Variants in EDC3 observed in about 807,000 individuals in gnomAD.
The protein encoded by EDC3 is enhancer of mRNA-decapping protein 3.
In EDC3, 20 loss-of-function variants were observed where a neutral mutation model predicts 41.8. The ratio of observed to expected loss-of-function variants is 0.48; its 90% CI spans 0.34 to 0.70. The LOEUF is 0.70. Ranked by LOEUF, EDC3 falls within the 30% of genes least tolerant of loss-of-function variation. The probability of loss-of-function intolerance (pLI) is 0.01; values close to 1 mark genes in which losing one functional copy is unlikely to be tolerated. For synonymous variants in EDC3, 206 were observed against 243.2 expected (o/e 0.85, Z 1.42); for missense variants, 444 against 636.8 (o/e 0.70, Z 3.26).
rs755521800 is a variant in EDC3 at position 74,655,753 on chromosome 15, A to G, written c.800T>C (p.Val267Ala). The G allele has an allele frequency of 6.2e-6, 10 of 1,610,244 alleles. No individual in the cohort carries two copies. The highest frequency in any genetic ancestry group is 7.6e-6 in the Non-Finnish European group (9 of 1,176,834). ...VYRRIIVPHN[V>A]SKEFCTDSGL... ...CTCACCCGTGCAGAACTCCTTGCTC[A>G]CGTTGTGGGGCACTATGATCCGTCG... The change falls in exon 4 of 7, where the codon GTG (valine) becomes GCG (alanine). Residue 267 changes from valine (V) to alanine (A), a missense_variant. By Grantham distance (64) the Val-to-Ala change is moderately conservative. Coordinates refer to ENST00000315127, the MANE Select transcript of EDC3 (RefSeq NM_025083.5).
rs774705708 is a variant in EDC3 at position 74,635,394 on chromosome 15, T to TGC, written c.1192+13_1192+14dup. 6.2e-7 allele frequency: 1 copy of TGC among 1,613,514 alleles called. No individual in the cohort carries two copies. Among genetic ancestry groups the TGC allele is most frequent in the East Asian group, 2.2e-5 (1 of 44,878 alleles). On this transcript the variant is annotated intron_variant, in intron 6 of 6. Transcript: ENST00000315127. ...AGGGAGGAGGCCTTCAGCCCAGCCC[T>TGC]GCCTAAGTGCTCACCTTTGAGGCTA...
rs910731742 is a variant in EDC3, at chr15:74,631,431, G to A, written c.*1181C>T. 2 of 152,226 alleles carry A rather than the reference G, an allele frequency of 1.3e-5. No homozygotes were observed. Among genetic ancestry groups the A allele is most frequent in the Non-Finnish European group, 2.9e-5 (2 of 68,048 alleles). 9.4% of individuals were successfully genotyped at this position (152,226 alleles called of 1,614,324 possible). On this transcript the variant is annotated 3_prime_UTR_variant, in exon 7 of 7. Coordinates refer to ENST00000315127, the MANE Select transcript of EDC3 (RefSeq NM_025083.5). ...GGCACCTTAGGATTTGAGCATCAGT[G>A]TGTTCCTATGGTTGGAACCCACACC...
At position 74,632,389 on chromosome 15, in the gene EDC3, T is replaced by C; in HGVS notation, c.*223A>G. The stretch of plus-strand genomic sequence containing the variant: ...GGGCTGAGGGTAGAGATGCCTGGAG[T>C]TGCTGCACGCTCAGCCTGCCACCCA... On this transcript the variant is annotated 3_prime_UTR_variant, in exon 7 of 7. Coordinates refer to ENST00000315127, the MANE Select transcript of EDC3 (RefSeq NM_025083.5). This position sits in a 1 kb window ranked among gnomAD's most constrained non-coding sequence, Gnocchi z 4.0. The C allele has an allele frequency of 1.7e-6, 1 of 588,222 alleles. No individual in the cohort carries two copies. Among genetic ancestry groups the C allele is most frequent in the Non-Finnish European group, 3.0e-6 (1 of 334,062 alleles). 36.4% of individuals were successfully genotyped at this position (588,222 alleles called of 1,614,324 possible). A position where few individuals can be genotyped will look rare whatever the true frequency, so the allele number is the denominator to read the frequency against.
intron 3 of EDC3, among the ~76,000 whole-genome samples, chr15:74,667,558 G>A (rs1276548469): frequency 2.0e-5 from 3 of 148,532 alleles, no homozygotes; most frequent in African/African-American, 7.4e-5. Context: ...CTTTCAGTGT[G>A]AGAAAGTACC....
At chr15:74,659,355 G>A (rs2062593340) in intron 3 of EDC3, among the ~76,000 whole-genome samples, 2 of 151,942 alleles carry the variant, frequency 1.3e-5, no homozygotes. Context: ...CCAGCTACAC[G>A]GGAGGCTGGG....
intron 3 of EDC3, among the ~76,000 whole-genome samples, chr15:74,669,478 C>CT (rs1438168238): frequency 6.6e-6 from 1 of 151,226 alleles, no homozygotes; most frequent in African/African-American, 2.4e-5. Flanking sequence ...CACCACTGCA[C>CT]TCCAGCCCGG....
In EDC3 at chr15:74,688,300, C is replaced by G. The variant is rs559030885; in HGVS notation, c.-19+7580G>C. ...CACGTCAAAAGAAGTACAGGAGATA[C>G]AGGAGCTACAAGGAACCAATCTTGT... On this transcript the variant is annotated intron_variant, in intron 1 of 6. Transcript: ENST00000315127. 4.9e-4 allele frequency among the ~76,000 whole-genome samples: 75 copies of G among 152,326 alleles called. 1 individual carries two copies. Among genetic ancestry groups the G allele is most frequent in the African/African-American group, 1.7e-3 (71 of 41,592 alleles).
chr15:74,671,380 A>T lies in EDC3; in HGVS notation c.484+75T>A. The T allele has an allele frequency of 6.9e-7, 1 of 1,455,344 alleles. No individual in the cohort carries two copies. The highest frequency in any genetic ancestry group is 9.3e-7 in the Non-Finnish European group (1 of 1,070,708). 90.2% of individuals were successfully genotyped at this position (1,455,344 alleles called of 1,614,324 possible). On this transcript the variant is annotated intron_variant, in intron 3 of 6. Coordinates refer to ENST00000315127, the MANE Select transcript of EDC3 (RefSeq NM_025083.5). The surrounding 1 kb of genome is among the most constrained non-coding windows in gnomAD (Gnocchi z 4.6). ...TATTGGAATAACAAAGGATTTGTTT[A>T]AAGAGCAGCAGTGCTTATGGCTTAT...
At chr15:74,681,359 G>A (rs1370213955) in intron 1 of EDC3, among the ~76,000 whole-genome samples, 2 of 151,576 alleles carry the variant, frequency 1.3e-5, no homozygotes, top group East Asian at 1.9e-4. Flanking sequence ...CACCATCTTC[G>A]CCAGGCTGGT....
chr15:74,669,225 C>T (rs1030886608), intron 3 of EDC3, among the ~76,000 whole-genome samples: 2 of 152,076 alleles, frequency 1.3e-5, no homozygotes, highest in Non-Finnish European at 2.9e-5. Context: ...TGCCTGTAAT[C>T]CCAGCTACTC....
intron 4 of EDC3, among the ~76,000 whole-genome samples, chr15:74,653,469 T>G (rs924724680): frequency 2.0e-5 from 3 of 152,160 alleles, no homozygotes; most frequent in African/African-American, 7.2e-5. Flanking sequence ...AAGAAGTTGC[T>G]CAGTAAGATA....
chr15:74,643,725 G>T (rs1489754097), intron 4 of EDC3: 1 of 152,164 alleles, frequency 6.6e-6, no homozygotes, highest in East Asian at 1.9e-4. Flanking sequence ...CATGTCCAAG[G>T]TTCCTCTCTC....
intron 3 of EDC3, among the ~76,000 whole-genome samples, chr15:74,658,417 G>T (rs900909393): frequency 2.6e-5 from 4 of 151,920 alleles, no homozygotes; most frequent in African/African-American, 7.3e-5. Context: ...ACTTCTCAGG[G>T]TCTTAACTTC....
intron 1 of EDC3, among the ~76,000 whole-genome samples, chr15:74,690,443 AT>A (rs1431116763): frequency 6.6e-6 from 1 of 152,248 alleles, no homozygotes. Flanking sequence ...CAAGTTGCCA[AT>A]TACAAATCTA....
At position 74,671,727 on chromosome 15, in the gene EDC3, C is replaced by G. The variant is rs776488328; in HGVS notation, c.212G>C (p.Gly71Ala). 7.4e-6 allele frequency: 12 copies of G among 1,614,132 alleles called. No homozygotes were observed. Among genetic ancestry groups the G allele is most frequent in the Non-Finnish European group, 1.0e-5 (12 of 1,180,032 alleles). ...AAGGTCTCCAAAATGTTGGTTGTCT[C>G]CAGGTCCTGGTATCTCCAGAATTTT... ...ELKILEIPGP[G>A]DNQHFGDLHQ... is the part of the protein sequence containing the mutation. Residue 71 changes from glycine to alanine, a missense_variant, in exon 3 of 7, where the codon GGA becomes GCA. This residue lies in a region of EDC3 where 200 missense variants were observed against 244.0 expected (regional missense o/e 0.82). Transcript: ENST00000315127. The surrounding 1 kb of genome is among the most constrained non-coding windows in gnomAD (Gnocchi z 4.6).
At chr15:74,656,177 T>C in intron 3 of EDC3, 109 bp from the exon 4 acceptor site, 1 of 1,066,418 alleles carries the variant, frequency 9.4e-7, no homozygotes, top group East Asian at 2.4e-5. Flanking sequence ...AATGTGAAAA[T>C]GGTAAAGGTA....
chr15:74,657,079 A>G (rs2062558505), intron 3 of EDC3, among the ~76,000 whole-genome samples: 2 of 152,236 alleles, frequency 1.3e-5, no homozygotes, highest in South Asian at 4.1e-4. Flanking sequence ...ACACTGGACA[A>G]AAGCTCAGAA....
chr15:74,693,086 C>T (rs2063026422), intron 1 of EDC3: 1 of 152,192 alleles, frequency 6.6e-6, no homozygotes, highest in Admixed American at 6.6e-5. Context: ...AAACTTTTGA[C>T]TTCTGCCCAT....
At chr15:74,689,645 C>T (rs1284258625) in intron 1 of EDC3, among the ~76,000 whole-genome samples, 1 of 152,222 alleles carries the variant, frequency 6.6e-6, no homozygotes, top group Non-Finnish European at 1.5e-5. Context: ...CCGCCTCAGC[C>T]TCCTGAGTAG....
Sources: allele counts gnomAD v4.1 joint callset (sites outside exome capture counted in the v4.1 genomes callset), GRCh38; gene constraint gnomAD v4.1.1; regional missense constraint gnomAD v4.1.1; non-coding constraint Gnocchi (gnomAD v3.1); transcripts MANE v1.5; gene names NCBI Gene and HGNC (gene_info 2026-07-23, HGNC 2026-07-21).